CUBN: variants seen among roughly 807,000 people sequenced by gnomAD.
CUBN encodes 460 kDa receptor.
Under a neutral mutation model 405.3 loss-of-function variants are expected in CUBN, and 282 were observed. That is an observed-to-expected ratio of 0.70 (90% CI 0.63 to 0.77). CUBN has a LOEUF of 0.77. Ranked by LOEUF, CUBN falls within the 30% of genes least tolerant of loss-of-function variation. The pLI is 0.00. For missense variants in CUBN, 4,514 were observed against 4,475.2 expected, an observed-to-expected ratio of 1.01 and a Z score of -0.25; for synonymous variants, 1,684 against 1,617.0, an observed-to-expected ratio of 1.04 and a Z score of -0.99.
At chr10:16,950,143 A>G in intron 33 of CUBN, 32 bp from the exon 34 acceptor site, 1 of 1,502,262 alleles carries the variant, frequency 6.7e-7, no homozygotes, top group Non-Finnish European at 9.2e-7. Context: ...TCTCTCGTAA[A>G]GTACTGGCAA....
intron 60 of CUBN, among the ~76,000 whole-genome samples, chr10:16,843,895 A>G (rs1839433013): frequency 6.6e-6 from 1 of 152,220 alleles, no homozygotes; most frequent in Non-Finnish European, 1.5e-5. Flanking sequence ...AATAAGTGCT[A>G]CAATAAAATA....
chr10:17,073,141 G>C (rs914179977), intron 17 of CUBN, among the ~76,000 whole-genome samples: 1 of 151,956 alleles, frequency 6.6e-6, no homozygotes, highest in Non-Finnish European at 1.5e-5. Context: ...ATAGATTATA[G>C]AAATAAAAAC....
In CUBN at chr10:16,918,673, G is replaced by A. The variant is rs368153709; in HGVS notation, c.6949C>T (p.Arg2317Ter). 3.7e-5 allele frequency: 59 copies of A among 1,613,734 alleles called. No homozygotes were observed. Among genetic ancestry groups the A allele is most frequent in the South Asian group, 1.2e-4 (11 of 91,070 alleles). ...SSGEVMYLRFRSDNSPTHVGF... is the reference protein window; with the variant it reads ...SSGEVMYLRF ...ACATGTGTGGGGCTGTTGTCAGATC[G>A]AAATCTCAAATACATAACCTCTCCT... The change falls in exon 45 of 67, where the codon CGA (arginine) becomes TGA (stop). Residue 2317 changes from arginine (R) to a stop codon, truncating the protein, a stop_gained. Transcript: ENST00000377833. LOFTEE classifies it high-confidence loss of function.
rs568618919 is a variant in CUBN at position 17,003,326 on chromosome 10, G to A, written c.4169-12811C>T. On this transcript the variant is annotated intron_variant, in intron 28 of 66. Transcript: ENST00000377833. ...AAAGCAATTCCATTACCAACGGAGA[G>A]AAGGTCTGCGCCTGAGATTAGAACC... 8.3e-4 allele frequency among the ~76,000 whole-genome samples: 126 copies of A among 152,218 alleles called. 1 individual carries two copies. The highest frequency in any genetic ancestry group is 3.4e-3 in the Middle Eastern group (1 of 294).
At chr10:16,981,281 C>A (rs1317793136) in intron 31 of CUBN, among the ~76,000 whole-genome samples, 4 of 152,002 alleles carry the variant, frequency 2.6e-5, no homozygotes, top group Non-Finnish European at 5.9e-5. Context: ...GGAGTTCAGC[C>A]AAGGAAGGCC....
chr10:16,915,923 G>GC lies in CUBN; in HGVS notation c.7107dup (p.Leu2370AlafsTer11), dbSNP rs1403434676. On this transcript the variant is annotated frameshift_variant, in exon 46 of 67. Transcript: ENST00000377833. LOFTEE classifies it high-confidence loss of function. Reference sequence around the variant, plus strand: ...GAGATGGTGAGATAGTGTCCAGAGAGCCCCTGGAGATGCCACTCACAGAAT... The same window carrying GC: ...GAGATGGTGAGATAGTGTCCAGAGAGCCCCCTGGAGATGCCACTCACAGAAT... 1 of 1,613,722 alleles carries GC rather than the reference G, an allele frequency of 6.2e-7. No homozygotes were observed. Among genetic ancestry groups the GC allele is most frequent in the East Asian group, 2.2e-5 (1 of 44,884 alleles).
At chr10:17,010,926 A>G (rs1488244886) in intron 28 of CUBN, among the ~76,000 whole-genome samples, 2 of 152,198 alleles carry the variant, frequency 1.3e-5, no homozygotes, top group Admixed American at 6.5e-5. Context: ...CATTCCTATA[A>G]TGAGTGCACC....
At chr10:16,995,684 C>T (rs908267716) in intron 28 of CUBN, among the ~76,000 whole-genome samples, 1 of 151,968 alleles carries the variant, frequency 6.6e-6, no homozygotes, top group Non-Finnish European at 1.5e-5. Context: ...AGACTTGGAG[C>T]TAGAAGAGGA....
In CUBN at chr10:17,068,370, A is replaced by G. The variant is rs937834363; in HGVS notation, c.2792-90T>C. ...GGCTCTGATAATAACCTCTTCAAAG[A>G]TTAAAAGGAAAAATGTTTCTTAGTT... is the stretch of plus-strand genomic sequence containing the variant. On this transcript the variant is annotated intron_variant, in intron 20 of 66. Transcript: ENST00000377833. 18 of 1,351,212 alleles carry G rather than the reference A, an allele frequency of 1.3e-5. No individual in the cohort carries two copies. The African/African-American group carries it at 2.5e-4, about 19-fold the overall frequency. 83.7% of individuals were successfully genotyped at this position (1,351,212 alleles called of 1,614,324 possible).
chr10:16,825,180 T>C, intron 66 of CUBN, 98 bp from the exon 67 acceptor site: 1 of 775,916 alleles, frequency 1.3e-6, no homozygotes, highest in Non-Finnish European at 2.2e-6. Context: ...ATAAAGAAAC[T>C]TTATAGAATT....
chr10:17,019,719 T>A, intron 28 of CUBN, 114 bp downstream of exon 28: 1 of 1,247,928 alleles, frequency 8.0e-7, no homozygotes, highest in Non-Finnish European at 1.2e-6. Context: ...ATGAGATTAC[T>A]ACCTGGGTTC....
chr10:16,998,322 G>A (rs1833790611), intron 28 of CUBN, among the ~76,000 whole-genome samples: 1 of 152,170 alleles, frequency 6.6e-6, no homozygotes, highest in Non-Finnish European at 1.5e-5. Context: ...GGGAAATTTG[G>A]TCCCAGACAC....
chr10:17,126,419 G>T (rs568847634), intron 4 of CUBN, among the ~76,000 whole-genome samples: 10 of 152,276 alleles, frequency 6.6e-5, no homozygotes, highest in Non-Finnish European at 1.2e-4. Context: ...CCGAGCCCCA[G>T]TCCCTGATGG....
intron 10 of CUBN, among the ~76,000 whole-genome samples, chr10:17,108,514 T>C (rs948851409): frequency 7.2e-5 from 11 of 152,192 alleles, no homozygotes; most frequent in Middle Eastern, 3.4e-3. Flanking sequence ...ATTCAAGAAA[T>C]GGAACTGGGT....
chr10:16,930,674 T>G (rs1025893892), intron 40 of CUBN, among the ~76,000 whole-genome samples: 1 of 152,182 alleles, frequency 6.6e-6, no homozygotes, highest in African/African-American at 2.4e-5. Context: ...AGAAACTGAT[T>G]CATTTTGAAC....
intron 2 of CUBN, 86 bp from the exon 3 acceptor site, chr10:17,128,010 T>C: frequency 1.1e-6 from 1 of 950,134 alleles, no homozygotes. Flanking sequence ...AAAACTTGAG[T>C]AGTATTCTAC....
Position 17,114,044 on chromosome 10 carries a change from C to T in CUBN, c.866G>A (p.Cys289Tyr), listed in dbSNP as rs1405418103. 1 of 1,612,884 alleles carries T rather than the reference C, an allele frequency of 6.2e-7. No homozygotes were observed. The highest frequency in any genetic ancestry group is 8.5e-7 in the Non-Finnish European group (1 of 1,179,516). Residue 289 changes from cysteine to tyrosine, a missense_variant, in exon 8 of 67, where the codon TGT (cysteine) becomes TAT (tyrosine). By Grantham distance (194) the Cys-to-Tyr change is radical. Coordinates refer to ENST00000377833, the MANE Select transcript of CUBN (RefSeq NM_001081.4). Reference protein sequence around the residue: ...QCFNTQGSFYCGACPTGWQGN... With the variant: ...QCFNTQGSFYYGACPTGWQGN... The stretch of plus-strand genomic sequence containing the variant: ...GAATGTACCTGTTGGACAGGCCCCA[C>T]AGTAGAAAGAGCCTTGAGTGTTGAA...
intron 27 of CUBN, among the ~76,000 whole-genome samples, chr10:17,031,654 G>T (rs545659473): frequency 6.6e-6 from 1 of 152,306 alleles, no homozygotes; most frequent in East Asian, 1.9e-4. Flanking sequence ...AGCATCCCAT[G>T]GTAGTCACCA....
chr10:16,900,239 T>C (rs1841316361), intron 53 of CUBN, among the ~76,000 whole-genome samples: 1 of 152,246 alleles, frequency 6.6e-6, no homozygotes, highest in Non-Finnish European at 1.5e-5. Flanking sequence ...GCTCCAGATA[T>C]TTTCAAGCAC....
Sources: gnomAD v4.1 joint callset for allele counts (sites outside exome capture counted in the v4.1 genomes callset) on GRCh38, gnomAD v4.1.1 for gene constraint, MANE v1.5 for transcripts, NCBI Gene and HGNC (gene_info 2026-07-23, HGNC 2026-07-21) for gene names.